TMCC1: variants seen among roughly 807,000 people sequenced by gnomAD.
TMCC1 encodes the protein transmembrane and coiled-coil domain family 1, also known as transmembrane and coiled-coil domains protein 1.
Under a neutral mutation model 52.4 loss-of-function variants are expected in TMCC1, and 15 were observed. The observed-to-expected ratio is 0.29, with a 90% confidence interval of 0.19 to 0.44. The LOEUF is 0.44. Ranked by LOEUF, TMCC1 falls within the 20% of genes least tolerant of loss-of-function variation. TMCC1 has a pLI of 1.00. For synonymous variants in TMCC1, 279 were observed against 301.9 expected (o/e 0.92, Z 0.79); for missense variants, 503 against 806.0 (o/e 0.62, Z 4.55).
intron 2 of TMCC1, among the ~76,000 whole-genome samples, chr3:129,855,157 C>T (rs1295801479): frequency 6.6e-6 from 1 of 152,166 alleles, no homozygotes; most frequent in Non-Finnish European, 1.5e-5. Flanking sequence ...TTATGACAGG[C>T]CTTCTTCTGG....
At chr3:129,798,431 C>T (rs1314101901) in intron 4 of TMCC1, among the ~76,000 whole-genome samples, 1 of 148,602 alleles carries the variant, frequency 6.7e-6, no homozygotes, top group South Asian at 2.1e-4. Context: ...AATGAAGTGC[C>T]TTACAGAAAG....
intron 4 of TMCC1, among the ~76,000 whole-genome samples, chr3:129,763,441 G>A (rs1417644907): frequency 1.4e-5 from 2 of 147,412 alleles, no homozygotes; most frequent in Non-Finnish European, 3.0e-5. Flanking sequence ...AACTACTTGG[G>A]AGGCTGAGGT....
intron 2 of TMCC1, among the ~76,000 whole-genome samples, chr3:129,859,485 CA>C (rs2060285576): frequency 6.6e-6 from 1 of 151,820 alleles, no homozygotes; most frequent in African/African-American, 2.4e-5. Flanking sequence ...AAGAATACAA[CA>C]ATTAGGTGGG....
intron 4 of TMCC1, among the ~76,000 whole-genome samples, chr3:129,748,912 G>C (rs940760584): frequency 2.6e-5 from 4 of 151,960 alleles, no homozygotes; most frequent in African/African-American, 9.7e-5. Context: ...CTAAGTGCTT[G>C]AACCCGGGAG....
At chr3:129,693,213 A>G (rs1416728688) in intron 4 of TMCC1, among the ~76,000 whole-genome samples, 1 of 152,218 alleles carries the variant, frequency 6.6e-6, no homozygotes, top group Non-Finnish European at 1.5e-5. Flanking sequence ...CTTCATCTAT[A>G]ATATGAAAGA....
chr3:129,695,837 T>C (rs1410446023), intron 4 of TMCC1, among the ~76,000 whole-genome samples: 1 of 152,158 alleles, frequency 6.6e-6, no homozygotes, highest in Non-Finnish European at 1.5e-5. Context: ...CTTGCCCAAA[T>C]TCCTATCTAA....
chr3:129,824,313 G>A (rs1260693268), intron 4 of TMCC1, among the ~76,000 whole-genome samples: 1 of 151,978 alleles, frequency 6.6e-6, no homozygotes, highest in African/African-American at 2.4e-5. Flanking sequence ...TCCAGCCTGG[G>A]TGACAGAGCG....
intron 4 of TMCC1, among the ~76,000 whole-genome samples, chr3:129,741,720 C>T (rs1306187882): frequency 6.6e-6 from 1 of 152,132 alleles, no homozygotes; most frequent in African/African-American, 2.4e-5. Context: ...TTAAACTTGT[C>T]TCCATTTCTC....
At chr3:129,797,781 CTT>C (rs540144595) in intron 4 of TMCC1, among the ~76,000 whole-genome samples, 3 of 152,158 alleles carry the variant, frequency 2.0e-5, no homozygotes, top group Admixed American at 6.5e-5. Flanking sequence ...CTCTTAAAAA[CTT>C]TAAGCAGAAA....
chr3:129,843,785 C>G (rs527635686), intron 2 of TMCC1, among the ~76,000 whole-genome samples: 1 of 151,684 alleles, frequency 6.6e-6, no homozygotes, highest in Admixed American at 6.6e-5. Context: ...ATGGTTAATT[C>G]GACCAACCAT....
intron 4 of TMCC1, among the ~76,000 whole-genome samples, chr3:129,781,772 A>G (rs1652909553): frequency 6.6e-6 from 1 of 152,202 alleles, no homozygotes; most frequent in Non-Finnish European, 1.5e-5. Context: ...ATTTGGATTA[A>G]GTTTTATTAG....
intron 2 of TMCC1, among the ~76,000 whole-genome samples, chr3:129,839,876 T>G (rs2059343326): frequency 6.6e-6 from 1 of 151,250 alleles, no homozygotes; most frequent in African/African-American, 2.4e-5. Context: ...GAGAGAGACC[T>G]TGTCTCAAAA....
chr3:129,817,549 A>G (rs185447256), intron 4 of TMCC1, among the ~76,000 whole-genome samples: 54 of 152,378 alleles, frequency 3.5e-4, no homozygotes, highest in African/African-American at 1.3e-3. Context: ...AAAGGGAAAT[A>G]AATTGCTAAC....
chr3:129,808,450 C>T (rs796870345), intron 4 of TMCC1, among the ~76,000 whole-genome samples: 3 of 151,724 alleles, frequency 2.0e-5, no homozygotes, highest in African/African-American at 7.3e-5. Context: ...CCACTGAACT[C>T]CAGCCTGTGC....
intron 5 of TMCC1, among the ~76,000 whole-genome samples, chr3:129,661,391 C>T (rs2087015082): frequency 6.6e-6 from 1 of 151,958 alleles, no homozygotes; most frequent in African/African-American, 2.4e-5. Context: ...GTGTCACTAC[C>T]CTCCAGTCTG....
chr3:129,673,864 C>T (rs181172744), intron 4 of TMCC1, among the ~76,000 whole-genome samples: 13 of 152,062 alleles, frequency 8.5e-5, no homozygotes, highest in Admixed American at 8.5e-4. Context: ...AAACTTTCAA[C>T]ATACAGTCAT....
intron 4 of TMCC1, among the ~76,000 whole-genome samples, chr3:129,817,843 TG>T (rs2058180219): frequency 6.6e-6 from 1 of 151,916 alleles, no homozygotes; most frequent in African/African-American, 2.4e-5. Context: ...GATGGAGTCT[TG>T]GTCTGTCACC....
In TMCC1 at chr3:129,723,106, TA is replaced by T. The variant is rs199601223; in HGVS notation, c.577-51843del. Among the ~76,000 whole-genome samples, 1,397 of 151,960 alleles carry T rather than the reference TA, an allele frequency of 9.2e-3. 19 individuals are homozygous for T. The highest frequency in any genetic ancestry group is 0.032 in the African/African-American group (1,309 of 41,476). ...TCAACTAAAAAATGGCAAGGTCAAC[TA>T]AAAAAAATGGTAAAATCAAACTATA... On this transcript the variant is annotated intron_variant, in intron 4 of 6. Transcript: ENST00000393238.
chr3:129,858,916 A>G (rs542686555), intron 2 of TMCC1, among the ~76,000 whole-genome samples: 8 of 152,354 alleles, frequency 5.3e-5, no homozygotes, highest in African/African-American at 1.9e-4. Context: ...GATAGCTTTA[A>G]TAACTTTTCA....
Sources: allele counts gnomAD v4.1 joint callset (sites outside exome capture counted in the v4.1 genomes callset), GRCh38; gene constraint gnomAD v4.1.1; transcripts MANE v1.5; gene names NCBI Gene and HGNC (gene_info 2026-07-23, HGNC 2026-07-21).